PCDHGA3: variants seen among roughly 807,000 people sequenced by gnomAD.
The protein encoded by PCDHGA3 is protocadherin gamma-A3.
PCDHGA3 carries 40 observed loss-of-function variants against 58.5 expected under a neutral mutation model. That is an observed-to-expected ratio of 0.68 (90% CI 0.53 to 0.89). PCDHGA3 has a LOEUF of 0.89. Among genes scored for constraint, PCDHGA3 ranks in the 40% least tolerant of loss-of-function variants. The pLI is 0.00. For synonymous variants in PCDHGA3, 530 were observed against 525.7 expected (o/e 1.01, Z -0.11); for missense variants, 1,223 against 1,195.9 (o/e 1.02, Z -0.33).
chr5:141,402,760 G>A (rs2094303871), intron 1 of PCDHGA3, among the ~76,000 whole-genome samples: 1 of 152,176 alleles, frequency 6.6e-6, no homozygotes, highest in African/African-American at 2.4e-5. Flanking sequence ...CGAAAATCAG[G>A]ACTCCATCCG....
intron 1 of PCDHGA3, among the ~76,000 whole-genome samples, chr5:141,492,408 C>T (rs1187024017): frequency 2.0e-5 from 3 of 152,244 alleles, no homozygotes; most frequent in African/African-American, 2.4e-5. Flanking sequence ...CTCCCCTCTG[C>T]CGCTCCCTCC....
intron 2 of PCDHGA3, among the ~76,000 whole-genome samples, chr5:141,496,411 CT>C (rs1266082660): frequency 6.6e-6 from 1 of 152,190 alleles, no homozygotes; most frequent in African/African-American, 2.4e-5. Context: ...TGGTTGAGTA[CT>C]TGCTGTCCAC....
chr5:141,351,034 G>A (rs745945225), intron 1 of PCDHGA3: 1 of 1,613,878 alleles, frequency 6.2e-7, no homozygotes, highest in Non-Finnish European at 8.5e-7. Flanking sequence ...GAACCTCCGT[G>A]CTGCGGGTGA....
At chr5:141,478,840 A>G (rs2099480064) in intron 1 of PCDHGA3, 1 of 1,410,466 alleles carries the variant, frequency 7.1e-7, no homozygotes, top group Non-Finnish European at 9.3e-7. Context: ...AGGGATGGTT[A>G]AGCTAAAACA....
At position 141,491,222 on chromosome 5, in the gene PCDHGA3, C is replaced by A. The variant is rs1185734506; in HGVS notation, c.2425-3585C>A. 6.2e-7 allele frequency: 1 copy of A among 1,614,268 alleles called. No homozygotes were observed. Among genetic ancestry groups the A allele is most frequent in the East Asian group, 2.2e-5 (1 of 44,892 alleles). On this transcript the variant is annotated intron_variant, in intron 1 of 3. Transcript: ENST00000253812. This position sits in a 1 kb window ranked among gnomAD's most constrained non-coding sequence, Gnocchi z 6.9. Reference sequence around the variant, plus strand: ...GACCCTTCACTCTCCTCCACAGCCACAGTGCTGCTGGTTCTGGAGGATGAG... The same window carrying A: ...GACCCTTCACTCTCCTCCACAGCCAAAGTGCTGCTGGTTCTGGAGGATGAG...
chr5:141,476,966 G>A lies in PCDHGA3; in HGVS notation c.2425-17841G>A. ...CAACGGTGAAATTATTTACTCCTTC[G>A]GCAGCCACAACCGCGCCGGCGTGCG... On this transcript the variant is annotated intron_variant, in intron 1 of 3. Transcript: ENST00000253812. This position sits in a 1 kb window ranked among gnomAD's most constrained non-coding sequence, Gnocchi z 7.6. 1 of 1,614,152 alleles carries A rather than the reference G, an allele frequency of 6.2e-7. No individual in the cohort carries two copies. The highest frequency in any genetic ancestry group is 8.5e-7 in the Non-Finnish European group (1 of 1,180,032).
At chr5:141,433,662 C>T (rs1377052782) in intron 1 of PCDHGA3, among the ~76,000 whole-genome samples, 1 of 151,950 alleles carries the variant, frequency 6.6e-6, no homozygotes, top group Non-Finnish European at 1.5e-5. Context: ...ATGGAGAAAC[C>T]CCGTCTATAC....
intron 1 of PCDHGA3, among the ~76,000 whole-genome samples, chr5:141,452,455 C>T (rs2098741536): frequency 6.6e-6 from 1 of 152,208 alleles, no homozygotes; most frequent in Non-Finnish European, 1.5e-5. Flanking sequence ...GCCTTGTCAG[C>T]AGACGGAGCT....
intron 1 of PCDHGA3, chr5:141,411,997 T>A (rs1321898808): frequency 6.6e-6 from 1 of 152,030 alleles, no homozygotes; most frequent in Non-Finnish European, 1.5e-5. Context: ...GAAGGCATAG[T>A]GACATAAACA....
rs1168799961 is a variant in PCDHGA3, at chr5:141,487,844, A to G, written c.2425-6963A>G. ...CGGGTCATGCCTATATCTGAGTAAG[A>G]AATGAAAGTAATTGGTGATCAAGAG... On this transcript the variant is annotated intron_variant, in intron 1 of 3. Coordinates refer to ENST00000253812, the MANE Select transcript of PCDHGA3 (RefSeq NM_018916.4). The surrounding 1 kb of genome is among the most constrained non-coding windows in gnomAD (Gnocchi z 5.0). 2 of 1,043,076 alleles carry G rather than the reference A, an allele frequency of 1.9e-6. No homozygotes were observed. Among genetic ancestry groups the G allele is most frequent in the Non-Finnish European group, 2.7e-6 (2 of 730,916 alleles). The allele number at this position is 1,043,076 out of a possible 1,614,324, so 64.6% of individuals were successfully genotyped here.
chr5:141,399,465 G>T, intron 1 of PCDHGA3: 1 of 1,614,014 alleles, frequency 6.2e-7, no homozygotes, highest in Non-Finnish European at 8.5e-7. Context: ...ATAACGCTCC[G>T]GTTTTCCACC....
intron 1 of PCDHGA3, among the ~76,000 whole-genome samples, chr5:141,397,238 C>A (rs2093493095): frequency 6.6e-6 from 1 of 151,972 alleles, no homozygotes; most frequent in African/African-American, 2.4e-5. Flanking sequence ...AGAAGAGCAA[C>A]GTAGTAGGGT....
Position 141,431,709 on chromosome 5 carries a change from T to G in PCDHGA3, c.2425-63098T>G, listed in dbSNP as rs1561854893. ...CACGAGGAGTCAGGATTCTACCAGA[T>G]GGAAGTGCAAGCAATGGATAATGCA... On this transcript the variant is annotated intron_variant, in intron 1 of 3. Coordinates refer to ENST00000253812, the MANE Select transcript of PCDHGA3 (RefSeq NM_018916.4). The surrounding 1 kb of genome is among the most constrained non-coding windows in gnomAD (Gnocchi z 4.8). The G allele has an allele frequency of 6.2e-7, 1 of 1,614,168 alleles. No individual in the cohort carries two copies. Among genetic ancestry groups the G allele is most frequent in the Middle Eastern group, 1.6e-4 (1 of 6,062 alleles).
chr5:141,404,736 A>G, intron 1 of PCDHGA3: 1 of 1,613,622 alleles, frequency 6.2e-7, no homozygotes, highest in Non-Finnish European at 8.5e-7. Context: ...GTGGCAGTGG[A>G]CAGAGACTCA....
chr5:141,348,513 G>A (rs1460641115), intron 1 of PCDHGA3, among the ~76,000 whole-genome samples: 4 of 152,098 alleles, frequency 2.6e-5, no homozygotes, highest in Admixed American at 6.5e-5. Context: ...GCTGTGTCAG[G>A]GGAAATTTGG....
chr5:141,423,174 C>T (rs1203454000), intron 1 of PCDHGA3: 1 of 1,613,484 alleles, frequency 6.2e-7, no homozygotes, highest in South Asian at 1.1e-5. Flanking sequence ...CCGTCCAGGA[C>T]CACGGCCAGC....
chr5:141,450,815 ATAT>A (rs1420984335), intron 1 of PCDHGA3, among the ~76,000 whole-genome samples: 6 of 126,742 alleles, frequency 4.7e-5, no homozygotes, highest in South Asian at 2.4e-4. Flanking sequence ...TATTTATTTA[ATAT>A]TATTATTATT....
At chr5:141,403,075 G>A (rs1188549930) in intron 1 of PCDHGA3, 5 of 1,613,968 alleles carry the variant, frequency 3.1e-6, no homozygotes, top group Non-Finnish European at 4.2e-6. Flanking sequence ...AGACAGAAAA[G>A]GGCTATATTG....
At position 141,489,969 on chromosome 5, in the gene PCDHGA3, A is replaced by C. The variant is rs746202385; in HGVS notation, c.2425-4838A>C. On this transcript the variant is annotated intron_variant, in intron 1 of 3. Coordinates refer to ENST00000253812, the MANE Select transcript of PCDHGA3 (RefSeq NM_018916.4). This position sits in a 1 kb window ranked among gnomAD's most constrained non-coding sequence, Gnocchi z 4.5. The stretch of plus-strand genomic sequence containing the variant: ...TCAATGATAATGCTCCAACCTTCCA[A>C]TCCTCAGTTCTACGTGTGGGAATCC... 4 of 1,614,008 alleles carry C rather than the reference A, an allele frequency of 2.5e-6. No individual in the cohort carries two copies.
Sources: allele counts gnomAD v4.1 joint callset (sites outside exome capture counted in the v4.1 genomes callset), GRCh38; gene constraint gnomAD v4.1.1; non-coding constraint Gnocchi (gnomAD v3.1); transcripts MANE v1.5; gene names NCBI Gene and HGNC (gene_info 2026-07-23, HGNC 2026-07-21).